PAX5: variants seen among roughly 807,000 people sequenced by gnomAD.
The protein encoded by PAX5 is paired box protein Pax-5.
A neutral mutation model predicts 43.7 loss-of-function variants in PAX5; 9 were observed. That is an observed-to-expected ratio of 0.21 (90% CI 0.12 to 0.36). PAX5 has a LOEUF of 0.36. Ranked by LOEUF, PAX5 falls within the 10% of genes least tolerant of loss-of-function variation. The pLI, the probability that PAX5 is intolerant of heterozygous loss-of-function variation, is 1.00. For missense variants in PAX5, 383 were observed against 532.7 expected (o/e 0.72, Z 2.77); for synonymous variants, 228 against 214.3 (o/e 1.06, Z -0.56).
At position 36,836,637 on chromosome 9, in the gene PAX5, T is replaced by A. The variant is rs10973099; in HGVS notation, c.*3923A>T. The A allele has an allele frequency of 0.026, 6,050 of 232,700 alleles. 361 individuals are homozygous for A. Among genetic ancestry groups the A allele is most frequent in the African/African-American group, 0.12 (5,550 of 45,396 alleles). 14.4% of individuals were successfully genotyped at this position (232,700 alleles called of 1,614,324 possible). On this transcript the variant is annotated 3_prime_UTR_variant, in exon 10 of 10. Coordinates refer to ENST00000358127, the MANE Select transcript of PAX5 (RefSeq NM_016734.3). ...CGAGTGGCAAGGCTACACCACCCCG[T>A]TCACCCAGGAAGCAGTTCATTCAGG...
At chr9:36,947,827 A>G (rs1034502949) in intron 6 of PAX5, among the ~76,000 whole-genome samples, 2 of 150,920 alleles carry the variant, frequency 1.3e-5, no homozygotes, top group East Asian at 1.9e-4. Flanking sequence ...ACGCATATGC[A>G]TATGTCTCCA....
intron 5 of PAX5, among the ~76,000 whole-genome samples, chr9:36,986,153 G>A (rs1402806531): frequency 2.0e-5 from 3 of 151,580 alleles, no homozygotes; most frequent in Non-Finnish European, 4.4e-5. Flanking sequence ...CCGCGCCCGC[G>A]CCCCCCGGGG....
At chr9:36,864,495 A>T (rs1438688114) in intron 8 of PAX5, among the ~76,000 whole-genome samples, 1 of 152,214 alleles carries the variant, frequency 6.6e-6, no homozygotes. Flanking sequence ...GGTTGTCCAG[A>T]GTCCTCATGG....
At chr9:37,033,036 A>G (rs893464556) in intron 1 of PAX5, among the ~76,000 whole-genome samples, 1 of 152,220 alleles carries the variant, frequency 6.6e-6, no homozygotes, top group Non-Finnish European at 1.5e-5. Context: ...TACACACGCC[A>G]GTGTCAGAGG....
intron 8 of PAX5, among the ~76,000 whole-genome samples, chr9:36,872,721 T>C (rs1825595419): frequency 6.6e-6 from 1 of 152,176 alleles, no homozygotes; most frequent in Admixed American, 6.5e-5. Flanking sequence ...CCTGGAGCTT[T>C]AGTCACATAG....
chr9:37,002,727 G>T lies in PAX5; in HGVS notation c.525C>A (p.Ala175=). ...TGCCGCTGATGGAGTACGACGAGCC[G>T]GCCGAATCCGTGCTCACCGAGGACA... ...TQVSSVSTDS[A]GSSYSISGIL... Residue 175 remains alanine (A), a synonymous_variant, in exon 5 of 10, where the codon GCC becomes GCA. Coordinates refer to ENST00000358127, the MANE Select transcript of PAX5 (RefSeq NM_016734.3). 6.2e-7 allele frequency: 1 copy of T among 1,610,590 alleles called. No homozygotes were observed. The highest frequency in any genetic ancestry group is 8.5e-7 in the Non-Finnish European group (1 of 1,178,908).
At chr9:37,030,295 C>A (rs1426316890) in intron 1 of PAX5, among the ~76,000 whole-genome samples, 1 of 152,238 alleles carries the variant, frequency 6.6e-6, no homozygotes, top group Non-Finnish European at 1.5e-5. Flanking sequence ...CCCCAAAAGG[C>A]GCGACCGGAC....
chr9:36,897,731 A>G (rs1013077244), intron 7 of PAX5, among the ~76,000 whole-genome samples: 1 of 152,178 alleles, frequency 6.6e-6, no homozygotes, highest in African/African-American at 2.4e-5. Context: ...TCTTCACAGA[A>G]CACCTCTCAA....
intron 8 of PAX5, among the ~76,000 whole-genome samples, chr9:36,875,358 A>G (rs893006078): frequency 6.6e-6 from 1 of 152,254 alleles, no homozygotes; most frequent in Non-Finnish European, 1.5e-5. Context: ...CAAAACAGAC[A>G]TAGCCTTGAT....
At chr9:36,972,649 G>T (rs1467828960) in intron 5 of PAX5, among the ~76,000 whole-genome samples, 1 of 152,168 alleles carries the variant, frequency 6.6e-6, no homozygotes, top group African/African-American at 2.4e-5. Context: ...GTTGGTTGGG[G>T]GTGGTGGGAG....
At chr9:36,868,113 G>A (rs925892100) in intron 8 of PAX5, among the ~76,000 whole-genome samples, 1 of 152,238 alleles carries the variant, frequency 6.6e-6, no homozygotes, top group Admixed American at 6.5e-5. Context: ...CAAACAGAGG[G>A]TAACAAGGGC....
At chr9:36,993,963 C>T (rs1253536094) in intron 5 of PAX5, among the ~76,000 whole-genome samples, 3 of 152,164 alleles carry the variant, frequency 2.0e-5, no homozygotes, top group Admixed American at 1.3e-4. Flanking sequence ...GGGGCTGGGG[C>T]AAACCAGGTG....
rs772165620 is a variant in PAX5 at position 37,002,730 on chromosome 9, C to T, written c.522G>A (p.Ser174=). 1 of 1,610,402 alleles carries T rather than the reference C, an allele frequency of 6.2e-7. No individual in the cohort carries two copies. The highest frequency in any genetic ancestry group is 2.2e-5 in the East Asian group (1 of 44,752). Residue 174 remains serine, a synonymous_variant, in exon 5 of 10, where the codon TCG becomes TCA. Coordinates refer to ENST00000358127, the MANE Select transcript of PAX5 (RefSeq NM_016734.3). ...VTQVSSVSTD[S]AGSSYSISGI... ...CGCTGATGGAGTACGACGAGCCGGCCGAATCCGTGCTCACCGAGGACACCT... is the reference window on the plus strand; with the variant it reads ...CGCTGATGGAGTACGACGAGCCGGCTGAATCCGTGCTCACCGAGGACACCT...
At chr9:36,907,326 T>C (rs1160103256) in intron 7 of PAX5, among the ~76,000 whole-genome samples, 1 of 152,204 alleles carries the variant, frequency 6.6e-6, no homozygotes, top group Admixed American at 6.5e-5. Context: ...TGCTCAGAAG[T>C]GCTTCTTCTC....
At chr9:36,912,909 T>C (rs952306895) in intron 7 of PAX5, among the ~76,000 whole-genome samples, 2 of 152,326 alleles carry the variant, frequency 1.3e-5, no homozygotes, top group Middle Eastern at 3.4e-3. Flanking sequence ...ATTTCATAGA[T>C]AGGGAAATGA....
At chr9:36,967,748 CT>C (rs1262084656) in intron 5 of PAX5, among the ~76,000 whole-genome samples, 1 of 152,102 alleles carries the variant, frequency 6.6e-6, no homozygotes, top group Non-Finnish European at 1.5e-5. Context: ...GGGGGAGAGA[CT>C]TTTCATGGCA....
intron 8 of PAX5, among the ~76,000 whole-genome samples, chr9:36,848,718 G>A (rs1483973094): frequency 6.6e-6 from 1 of 152,164 alleles, no homozygotes; most frequent in Non-Finnish European, 1.5e-5. Context: ...TGTGGCAGAG[G>A]CCACCTCTGC....
intron 1 of PAX5, among the ~76,000 whole-genome samples, chr9:37,026,316 C>T (rs531584253): frequency 3.3e-5 from 5 of 152,346 alleles, no homozygotes; most frequent in Middle Eastern, 3.4e-3. Context: ...GCTGCCCAAG[C>T]TACGCGTTGC....
At chr9:37,030,524 C>G (rs1430920063) in intron 1 of PAX5, among the ~76,000 whole-genome samples, 1 of 152,252 alleles carries the variant, frequency 6.6e-6, no homozygotes, top group Non-Finnish European at 1.5e-5. Context: ...TCACTCTGAT[C>G]TACAGTGATG....
Sources: gnomAD v4.1 joint callset for allele counts (sites outside exome capture counted in the v4.1 genomes callset) on GRCh38, gnomAD v4.1.1 for gene constraint, MANE v1.5 for transcripts, NCBI Gene and HGNC (gene_info 2026-07-23, HGNC 2026-07-21) for gene names.